Variants in TRPM3 observed in about 807,000 individuals in gnomAD.
The protein encoded by TRPM3 is long transient receptor potential channel 3.
Under a neutral mutation model 181.2 loss-of-function variants are expected in TRPM3, and 77 were observed. The observed-to-expected ratio is 0.42, with a 90% CI of 0.35 to 0.51. TRPM3 has a LOEUF of 0.51. Among genes scored for constraint, TRPM3 ranks in the 20% least tolerant of loss-of-function variants. The pLI is 0.01. For synonymous variants in TRPM3, 745 were observed against 796.4 expected (o/e 0.94, Z 1.09); for missense variants, 1,759 against 2,196.7 (o/e 0.80, Z 3.98).
chr9:70,694,644 C>A (rs2069705633), intron 8 of TRPM3, among the ~76,000 whole-genome samples: 1 of 152,094 alleles, frequency 6.6e-6, no homozygotes, highest in African/African-American at 2.4e-5. Flanking sequence ...CCACGCCCGG[C>A]TAATTTTTTG....
At chr9:71,149,468 C>A (rs571830902) in intron 1 of TRPM3, among the ~76,000 whole-genome samples, 87 of 152,124 alleles carry the variant, frequency 5.7e-4, no homozygotes, top group African/African-American at 2.0e-3. Flanking sequence ...ACAGTAACTT[C>A]TTTGAAGTAA....
chr9:70,770,983 AAGGC>A (rs1340925858), intron 7 of TRPM3, among the ~76,000 whole-genome samples: 2 of 152,176 alleles, frequency 1.3e-5, no homozygotes, highest in Non-Finnish European at 2.9e-5. Flanking sequence ...TAGGATGGGA[AAGGC>A]CACATTTCAA....
At chr9:70,862,129 A>G (rs1367014636) in intron 3 of TRPM3, among the ~76,000 whole-genome samples, 1 of 152,118 alleles carries the variant, frequency 6.6e-6, no homozygotes, top group Admixed American at 6.6e-5. Flanking sequence ...ACGCCTAAGA[A>G]CAGACATCTC....
At chr9:70,671,252 A>G (rs887943060) in intron 9 of TRPM3, among the ~76,000 whole-genome samples, 1 of 152,134 alleles carries the variant, frequency 6.6e-6, no homozygotes, top group African/African-American at 2.4e-5. Flanking sequence ...GAGGTCAAAC[A>G]ATTTGCAGTC....
At chr9:70,990,650 G>A (rs189906263) in intron 1 of TRPM3, among the ~76,000 whole-genome samples, 317 of 152,148 alleles carry the variant, frequency 2.1e-3, no homozygotes, top group Non-Finnish European at 3.8e-3. Flanking sequence ...TATTATTACT[G>A]GTGTCACCAT....
chr9:70,619,879 T>G (rs745480133), intron 16 of TRPM3, among the ~76,000 whole-genome samples, 197 bp downstream of exon 16: 1 of 152,128 alleles, frequency 6.6e-6, no homozygotes, highest in Admixed American at 6.5e-5. Flanking sequence ...CAGGATGAAA[T>G]GTTCCATGTT....
intron 1 of TRPM3, among the ~76,000 whole-genome samples, chr9:70,946,044 C>T (rs1209735682): frequency 6.6e-6 from 1 of 152,260 alleles, no homozygotes; most frequent in South Asian, 2.1e-4. Flanking sequence ...AGTTAAGTAT[C>T]CTGTGGATAG....
At chr9:70,941,591 C>G (rs998285825) in intron 1 of TRPM3, among the ~76,000 whole-genome samples, 2 of 152,184 alleles carry the variant, frequency 1.3e-5, no homozygotes, top group Non-Finnish European at 2.9e-5. Flanking sequence ...TTCTGTCCCT[C>G]TAGAGAACCC....
intron 1 of TRPM3, among the ~76,000 whole-genome samples, chr9:71,206,364 CAT>C (rs1191330553): frequency 1.2e-4 from 18 of 152,140 alleles, no homozygotes; most frequent in Admixed American, 7.2e-4. Context: ...AGCTCTTTTT[CAT>C]ATGTTTGTTG....
intron 14 of TRPM3, among the ~76,000 whole-genome samples, chr9:70,622,460 C>T (rs1204188316): frequency 3.3e-5 from 5 of 152,322 alleles, no homozygotes; most frequent in South Asian, 2.1e-4. Context: ...TTATGCTGGC[C>T]GTTTCCCTGT....
At chr9:70,942,514 C>T (rs1439136917) in intron 1 of TRPM3, among the ~76,000 whole-genome samples, 1 of 152,172 alleles carries the variant, frequency 6.6e-6, no homozygotes, top group Non-Finnish European at 1.5e-5. Context: ...TGAATCAAAA[C>T]CTTGTTTGGA....
At chr9:70,960,469 C>T (rs1454306658) in intron 1 of TRPM3, among the ~76,000 whole-genome samples, 1 of 152,132 alleles carries the variant, frequency 6.6e-6, no homozygotes, top group Non-Finnish European at 1.5e-5. Context: ...CCTTCTGGGA[C>T]ACCTGGGAGA....
chr9:70,653,472 T>C (rs2059853188), intron 9 of TRPM3, among the ~76,000 whole-genome samples: 1 of 152,016 alleles, frequency 6.6e-6, no homozygotes, highest in Non-Finnish European at 1.5e-5. Flanking sequence ...GGATATGGTT[T>C]TTTTTTGGTT....
intron 1 of TRPM3, among the ~76,000 whole-genome samples, chr9:70,887,442 T>C (rs2096108865): frequency 6.6e-6 from 1 of 152,176 alleles, no homozygotes; most frequent in African/African-American, 2.4e-5. Flanking sequence ...AATCTAAAAA[T>C]AATTTCTCCA....
intron 1 of TRPM3, among the ~76,000 whole-genome samples, chr9:71,179,039 T>C (rs1007690877): frequency 1.3e-5 from 2 of 152,192 alleles, no homozygotes; most frequent in African/African-American, 4.8e-5. Flanking sequence ...ATTACAATGA[T>C]GAACTTGATT....
intron 22 of TRPM3, 135 bp from the exon 23 acceptor site, chr9:70,553,445 AGCC>A: frequency 8.7e-7 from 1 of 1,146,798 alleles, no homozygotes; most frequent in Admixed American, 2.8e-5. Context: ...GTTCCAAACA[AGCC>A]AAAATTGAAA....
chr9:71,139,951 A>T (rs1182944545), intron 1 of TRPM3, among the ~76,000 whole-genome samples: 2 of 152,126 alleles, frequency 1.3e-5, no homozygotes, highest in Non-Finnish European at 2.9e-5. Flanking sequence ...AAAGCATCCA[A>T]GCTCTCTTGC....
At position 71,237,275 on chromosome 9, in the gene TRPM3, G is replaced by GT. The variant is rs567099870; in HGVS notation, c.183+209377dup. 1.3e-4 allele frequency among the ~76,000 whole-genome samples: 20 copies of GT among 151,832 alleles called. No individual in the cohort carries two copies. In the South Asian group the frequency reaches 1.7e-3, roughly 13 times the overall value. ...ATATGATAATCTTAAATCAAACATT[G>GT]TTTTTTTTCTGAATGAAATGATGAT... On this transcript the variant is annotated intron_variant, in intron 1 of 24. Coordinates refer to the TRPM3 transcript ENST00000357533.
chr9:71,365,175 C>T (rs1314334946), intron 1 of TRPM3, among the ~76,000 whole-genome samples: 5 of 152,152 alleles, frequency 3.3e-5, no homozygotes, highest in African/African-American at 9.7e-5. Context: ...TGACCCCTGG[C>T]TACCTGGAAT....
Sources: gnomAD v4.1 joint callset for allele counts (sites outside exome capture counted in the v4.1 genomes callset) on GRCh38, gnomAD v4.1.1 for gene constraint, MANE v1.5 for transcripts, NCBI Gene and HGNC (gene_info 2026-07-23, HGNC 2026-07-21) for gene names.